The following COG5 variants were observed in gnomAD, a reference collection of about 807,000 sequenced individuals.
COG5 encodes the protein component of oligomeric golgi complex 5.
In COG5, 86 loss-of-function variants were observed where a neutral mutation model predicts 110.4. The ratio of observed to expected loss-of-function variants is 0.78; its 90% CI spans 0.65 to 0.93. The LOEUF (loss-of-function observed/expected upper bound fraction) is 0.93, where lower values mean the gene tolerates loss of function less well. COG5 is among the 40% of genes least tolerant of loss of function. COG5 has a pLI of 0.00. For missense variants in COG5, 1,077 were observed against 987.0 expected, an observed-to-expected ratio of 1.09 and a Z score of -1.22; for synonymous variants, 360 against 334.6, an observed-to-expected ratio of 1.08 and a Z score of -0.83.
intron 14 of COG5, among the ~76,000 whole-genome samples, chr7:107,280,563 A>G (rs761219309): frequency 2.6e-5 from 4 of 152,032 alleles, no homozygotes; most frequent in Admixed American, 6.5e-5. Context: ...GATAGTGGAG[A>G]CAATCAGATT....
intron 10 of COG5, among the ~76,000 whole-genome samples, chr7:107,348,717 T>G (rs1349585366): frequency 1.3e-5 from 2 of 152,206 alleles, no homozygotes; most frequent in Non-Finnish European, 2.9e-5. Context: ...ACATTTACTT[T>G]ACCATCTTCA....
At chr7:107,339,608 T>A (rs1426000686) in intron 10 of COG5, among the ~76,000 whole-genome samples, 1 of 152,034 alleles carries the variant, frequency 6.6e-6, no homozygotes. Context: ...CCAAGATTCA[T>A]CACATGCTAT....
chr7:107,220,301 A>T (rs1799821186), intron 19 of COG5, among the ~76,000 whole-genome samples: 1 of 152,228 alleles, frequency 6.6e-6, no homozygotes, highest in South Asian at 2.1e-4. Flanking sequence ...TGAAGGTCAC[A>T]CAATTATCAC....
At chr7:107,507,481 T>C (rs1799112300) in intron 6 of COG5, among the ~76,000 whole-genome samples, 1 of 149,202 alleles carries the variant, frequency 6.7e-6, no homozygotes, top group South Asian at 2.1e-4. Context: ...TTTTTTTTTT[T>C]TTTTTTTAGT....
chr7:107,297,125 C>A (rs189182335), intron 12 of COG5, among the ~76,000 whole-genome samples: 2 of 152,152 alleles, frequency 1.3e-5, no homozygotes, highest in Admixed American at 6.6e-5. Flanking sequence ...GTAATTTTAA[C>A]TATACAGTTG....
At chr7:107,503,138 T>C (rs1469363417) in intron 6 of COG5, among the ~76,000 whole-genome samples, 1 of 152,200 alleles carries the variant, frequency 6.6e-6, no homozygotes, top group Non-Finnish European at 1.5e-5. Context: ...GCTTTGGGTC[T>C]TAGATTGAAG....
chr7:107,521,093 G>A (rs769131294), intron 6 of COG5, among the ~76,000 whole-genome samples: 1 of 152,178 alleles, frequency 6.6e-6, no homozygotes, highest in African/African-American at 2.4e-5. Context: ...CTAGCCGTAT[G>A]CAGAAAACTG....
intron 14 of COG5, among the ~76,000 whole-genome samples, chr7:107,270,764 AT>A (rs1442489120): frequency 4.6e-5 from 7 of 151,202 alleles, no homozygotes; most frequent in Non-Finnish European, 1.0e-4. Context: ...GGTAAAATTA[AT>A]TGTTTACTGT....
intron 10 of COG5, among the ~76,000 whole-genome samples, chr7:107,348,989 G>T (rs1388427102): frequency 3.3e-5 from 5 of 152,062 alleles, no homozygotes. Context: ...AGCCTGCTGA[G>T]TAGCTAGGAT....
chr7:107,500,722 G>C (rs1046032186), intron 6 of COG5, among the ~76,000 whole-genome samples: 2 of 152,030 alleles, frequency 1.3e-5, no homozygotes, highest in African/African-American at 4.8e-5. Flanking sequence ...CTTCCTTTGG[G>C]ATATGATATT....
At chr7:107,481,598 A>C (rs897182023) in intron 6 of COG5, among the ~76,000 whole-genome samples, 2 of 152,138 alleles carry the variant, frequency 1.3e-5, no homozygotes, top group Non-Finnish European at 1.5e-5. Flanking sequence ...TGGGTAAAGA[A>C]GAATCAAAGA....
chr7:107,497,271 T>C (rs1211749971), intron 6 of COG5, among the ~76,000 whole-genome samples: 1 of 152,070 alleles, frequency 6.6e-6, no homozygotes, highest in Non-Finnish European at 1.5e-5. Flanking sequence ...CCACCAAAAC[T>C]TCTATAGTGT....
At chr7:107,486,451 A>C (rs1366400483) in intron 6 of COG5, among the ~76,000 whole-genome samples, 1 of 152,184 alleles carries the variant, frequency 6.6e-6, no homozygotes, top group African/African-American at 2.4e-5. Context: ...ATATTGCAGC[A>C]ATGTCTTCAT....
rs149758675 is a variant in COG5, at chr7:107,474,315, T to C, written c.538+52922A>G. ...GTAACATTATTACAATGAATCTTCA[T>C]GTACTTGATGTAATAATTTGTGTGG... On this transcript the variant is annotated intron_variant, in intron 6 of 21. Transcript: ENST00000297135. This position sits in a 1 kb window ranked among gnomAD's most constrained non-coding sequence, Gnocchi z 5.7. 7.3e-4 allele frequency: 1,181 copies of C among 1,610,266 alleles called. 9 individuals carry two copies. The African/African-American group carries it at 0.014, about 19-fold the overall frequency.
intron 6 of COG5, among the ~76,000 whole-genome samples, chr7:107,508,366 A>C (rs933301060): frequency 3.3e-5 from 5 of 152,222 alleles, no homozygotes; most frequent in African/African-American, 1.2e-4. Flanking sequence ...TTGATTAGGT[A>C]AACAAAGCAG....
chr7:107,490,831 T>C (rs1426520507), intron 6 of COG5, among the ~76,000 whole-genome samples: 2 of 152,140 alleles, frequency 1.3e-5, no homozygotes, highest in African/African-American at 4.8e-5. Flanking sequence ...ACAGCAGAAA[T>C]GATTACAATA....
Position 107,209,818 on chromosome 7 carries a change from T to C in COG5, c.2375+708A>G, listed in dbSNP as rs115945487. On this transcript the variant is annotated intron_variant, in intron 21 of 21. Coordinates refer to ENST00000297135, the MANE Select transcript of COG5 (RefSeq NM_006348.5). ...ATGTGCTGAGTCCCAGTTTATGAGT[T>C]TACAGAAGGAAATGGCGGTCAACTG... The C allele has an allele frequency of 1.1e-3, 1,126 of 985,410 alleles. 13 individuals are homozygous for C. In the African/African-American group the frequency reaches 0.019, roughly 17 times the overall value. The allele number at this position is 985,410 out of a possible 1,614,324, so 61.0% of individuals were successfully genotyped here. A position where few individuals can be genotyped will look rare whatever the true frequency, so the allele number is the denominator to read the frequency against.
intron 6 of COG5, among the ~76,000 whole-genome samples, chr7:107,434,771 C>T (rs563643491): frequency 3.6e-4 from 54 of 152,092 alleles, no homozygotes; most frequent in African/African-American, 1.2e-3. Context: ...GAGATCAAGA[C>T]CATCCTGGCT....
At chr7:107,531,881 C>A (rs1161531827) in intron 5 of COG5, among the ~76,000 whole-genome samples, 1 of 151,928 alleles carries the variant, frequency 6.6e-6, no homozygotes, top group Non-Finnish European at 1.5e-5. Context: ...AGCTGGTCAC[C>A]CAAAGCCTAT....
Sources: allele counts gnomAD v4.1 joint callset (sites outside exome capture counted in the v4.1 genomes callset), GRCh38; gene constraint gnomAD v4.1.1; non-coding constraint Gnocchi (gnomAD v3.1); transcripts MANE v1.5; gene names NCBI Gene and HGNC (gene_info 2026-07-23, HGNC 2026-07-21).